ANO2: variants seen among roughly 807,000 people sequenced by gnomAD.
ANO2 encodes the protein anoctamin 2, also known as anoctamin-2.
A neutral mutation model predicts 124.2 loss-of-function variants in ANO2; 101 were observed. That is an observed-to-expected ratio of 0.81 (90% CI 0.69 to 0.96). The LOEUF is 0.96. Among genes scored for constraint, ANO2 ranks in the 40% least tolerant of loss-of-function variants. The probability of loss-of-function intolerance (pLI) is 0.00; values close to 1 mark genes in which losing one functional copy is unlikely to be tolerated. For synonymous variants in ANO2, 486 were observed against 482.5 expected (o/e 1.01, Z -0.09); for missense variants, 1,293 against 1,274.5 (o/e 1.01, Z -0.22).
chr12:5,715,889 T>C (rs1208335772), intron 14 of ANO2, among the ~76,000 whole-genome samples: 1 of 152,164 alleles, frequency 6.6e-6, no homozygotes, highest in African/African-American at 2.4e-5. Flanking sequence ...AGTATGTTCG[T>C]GACATGTTTA....
chr12:5,792,108 C>T (rs866149261), intron 10 of ANO2, among the ~76,000 whole-genome samples: 8 of 152,196 alleles, frequency 5.3e-5, no homozygotes, highest in African/African-American at 7.2e-5. Context: ...GCTATCACCC[C>T]TATTTCATAG....
At chr12:5,594,580 A>G (rs1432324854) in intron 20 of ANO2, among the ~76,000 whole-genome samples, 2 of 152,190 alleles carry the variant, frequency 1.3e-5, no homozygotes, top group African/African-American at 4.8e-5. Flanking sequence ...TCATGCCTGT[A>G]ATCCCAGCAA....
At chr12:5,575,616 T>C (rs2136836751) in intron 23 of ANO2, among the ~76,000 whole-genome samples, 2 of 152,306 alleles carry the variant, frequency 1.3e-5, no homozygotes, top group South Asian at 4.1e-4. Context: ...GGCAGTAATA[T>C]AGTGGTAAGT....
At chr12:5,715,494 C>G (rs924121481) in intron 14 of ANO2, among the ~76,000 whole-genome samples, 1 of 152,080 alleles carries the variant, frequency 6.6e-6, no homozygotes, top group African/African-American at 2.4e-5. Context: ...TAAATTTCTC[C>G]CTAGCCAGAA....
intron 1 of ANO2, 80 bp downstream of exon 1, chr12:5,945,116 G>A (rs756979446): frequency 2.5e-5 from 31 of 1,235,126 alleles, no homozygotes; most frequent in Non-Finnish European, 3.0e-5. Flanking sequence ...CGAAGGGTGG[G>A]AGTTCGGATG....
intron 4 of ANO2, among the ~76,000 whole-genome samples, chr12:5,851,495 G>A (rs1319558987): frequency 6.6e-6 from 1 of 152,050 alleles, no homozygotes; most frequent in Non-Finnish European, 1.5e-5. Flanking sequence ...AGACCAGCTG[G>A]CCAACATGGA....
At chr12:5,632,218 C>CA (rs1945754236) in intron 16 of ANO2, among the ~76,000 whole-genome samples, 1 of 152,014 alleles carries the variant, frequency 6.6e-6, no homozygotes, top group South Asian at 2.1e-4. Flanking sequence ...ATAAGGTAGA[C>CA]AAGAGCAATG....
At chr12:5,718,670 G>C (rs1049061613) in intron 14 of ANO2, among the ~76,000 whole-genome samples, 17 of 152,120 alleles carry the variant, frequency 1.1e-4, no homozygotes, top group Admixed American at 9.8e-4. Context: ...TCTCCGAAGG[G>C]ACACTTCTCA....
At chr12:5,579,774 G>A (rs1469873293) in intron 20 of ANO2, among the ~76,000 whole-genome samples, 3 of 152,066 alleles carry the variant, frequency 2.0e-5, no homozygotes, top group Non-Finnish European at 4.4e-5. Flanking sequence ...CCCCAGCAAC[G>A]ACCATGGTCC....
At chr12:5,685,851 C>A (rs538632641) in intron 14 of ANO2, among the ~76,000 whole-genome samples, 1 of 152,192 alleles carries the variant, frequency 6.6e-6, no homozygotes, top group South Asian at 2.1e-4. Context: ...CTGCCTGGCT[C>A]GTCCAACAGA....
intron 14 of ANO2, among the ~76,000 whole-genome samples, chr12:5,704,078 G>A (rs12810676): frequency 1.3e-5 from 2 of 152,070 alleles, no homozygotes; most frequent in African/African-American, 2.4e-5. Flanking sequence ...AAAAGGATGA[G>A]TGCTATTTTT....
intron 4 of ANO2, among the ~76,000 whole-genome samples, chr12:5,833,953 A>C (rs1954235318): frequency 6.6e-6 from 1 of 151,982 alleles, no homozygotes; most frequent in South Asian, 2.1e-4. Context: ...CCTGAATCAC[A>C]CCATAAGAAG....
chr12:5,790,855 T>C (rs909187167), intron 10 of ANO2, among the ~76,000 whole-genome samples: 4 of 152,188 alleles, frequency 2.6e-5, no homozygotes, highest in African/African-American at 2.4e-5. Flanking sequence ...GGACTGACTC[T>C]TGCGCTGTTA....
chr12:5,660,997 G>A (rs1591838648), intron 14 of ANO2, among the ~76,000 whole-genome samples: 1 of 152,196 alleles, frequency 6.6e-6, no homozygotes, highest in East Asian at 1.9e-4. Context: ...CCTCTCAACA[G>A]TTTGAGAAAA....
chr12:5,628,719 T>C (rs1197286671), intron 16 of ANO2, among the ~76,000 whole-genome samples: 2 of 152,134 alleles, frequency 1.3e-5, no homozygotes, highest in African/African-American at 2.4e-5. Flanking sequence ...CACATGTGCA[T>C]GCATGCATGT....
chr12:5,638,220 T>C (rs999216607), intron 15 of ANO2, among the ~76,000 whole-genome samples: 1 of 148,576 alleles, frequency 6.7e-6, no homozygotes, highest in Non-Finnish European at 1.5e-5. Flanking sequence ...ATATCTTCAC[T>C]AGCACTGTTT....
In ANO2 at chr12:5,862,167, CT is replaced by C. The variant is rs1234152774; in HGVS notation, c.535-8027del. 6.6e-6 allele frequency among the ~76,000 whole-genome samples: 1 copy of C among 152,134 alleles called. No homozygotes were observed. Among genetic ancestry groups the C allele is most frequent in the African/African-American group, 2.4e-5 (1 of 41,432 alleles). ...GAAGGAAAGGTGGAAATCTGCTCTG[CT>C]GGGAGCTCCTGGATGAGAGTACTGG... On this transcript the variant is annotated intron_variant, in intron 3 of 24. Transcript: ENST00000682330. This position sits in a 1 kb window ranked among gnomAD's most constrained non-coding sequence, Gnocchi z 4.0.
chr12:5,860,104 C>T (rs990971502), intron 3 of ANO2, among the ~76,000 whole-genome samples: 6 of 152,294 alleles, frequency 3.9e-5, no homozygotes, highest in Non-Finnish European at 8.8e-5. Flanking sequence ...TTCTCACTGT[C>T]ATCTGGCTGT....
chr12:5,696,286 CA>C (rs1361840820), intron 14 of ANO2, among the ~76,000 whole-genome samples: 1 of 152,008 alleles, frequency 6.6e-6, no homozygotes, highest in Non-Finnish European at 1.5e-5. Context: ...AAAAGAAACG[CA>C]AACAACATTT....
Sources: gnomAD v4.1 joint callset for allele counts (sites outside exome capture counted in the v4.1 genomes callset) on GRCh38, gnomAD v4.1.1 for gene constraint, Gnocchi (gnomAD v3.1) non-coding constraint, MANE v1.5 for transcripts, NCBI Gene and HGNC (gene_info 2026-07-23, HGNC 2026-07-21) for gene names.